ROBO2: variants seen among roughly 807,000 people sequenced by gnomAD.
ROBO2 encodes roundabout guidance receptor 2.
A neutral mutation model predicts 160.8 loss-of-function variants in ROBO2; 53 were observed. The observed-to-expected ratio is 0.33, with a 90% CI of 0.26 to 0.41. The LOEUF (loss-of-function observed/expected upper bound fraction) is 0.41, where lower values mean the gene tolerates loss of function less well. ROBO2 is among the 10% of genes least tolerant of loss of function. ROBO2 has a pLI of 1.00. For missense variants in ROBO2, 1,577 were observed against 1,722.4 expected, an observed-to-expected ratio of 0.92 and a Z score of 1.49; for synonymous variants, 664 against 611.7, an observed-to-expected ratio of 1.09 and a Z score of -1.26.
At chr3:76,591,031 C>T (rs1298353239) in intron 2 of ROBO2, among the ~76,000 whole-genome samples, 1 of 152,050 alleles carries the variant, frequency 6.6e-6, no homozygotes, top group Non-Finnish European at 1.5e-5. Context: ...GGGTTGCCTA[C>T]TCCCCACTCC....
intron 2 of ROBO2, among the ~76,000 whole-genome samples, chr3:75,966,935 G>A (rs1949136735): frequency 6.6e-6 from 1 of 151,508 alleles, no homozygotes; most frequent in Admixed American, 6.6e-5. Context: ...TTGACCTTCG[G>A]TCTCTACAGA....
chr3:77,291,844 G>A (rs2061315892), intron 2 of ROBO2, among the ~76,000 whole-genome samples: 1 of 151,808 alleles, frequency 6.6e-6, no homozygotes, highest in Non-Finnish European at 1.5e-5. Flanking sequence ...AAACGGGTAA[G>A]CTGAGGCTAG....
Position 75,925,314 on chromosome 3 carries a change from C to T in ROBO2, c.-13-12167C>T, listed in dbSNP as rs1006103203. ...AGGCTGCGGTGAAAGGATCTGAGCC[C>T]GGGAGGTGGAGGCTGCGGTGAACCG... On this transcript the variant is annotated intron_variant, in intron 1 of 26. Coordinates refer to the ROBO2 transcript ENST00000487694. Among the ~76,000 whole-genome samples, 73 of 152,048 alleles carry T rather than the reference C, an allele frequency of 4.8e-4. 1 individual carries two copies. Among genetic ancestry groups the T allele is most frequent in the African/African-American group, 1.5e-3 (64 of 41,482 alleles).
chr3:76,775,537 C>T (rs1425894491), intron 2 of ROBO2, among the ~76,000 whole-genome samples: 1 of 150,736 alleles, frequency 6.6e-6, no homozygotes, highest in Non-Finnish European at 1.5e-5. Flanking sequence ...ATCATGGAAA[C>T]TTGCTGTACT....
intron 2 of ROBO2, among the ~76,000 whole-genome samples, chr3:76,440,909 G>GTGGCATA (rs1242985287): frequency 3.3e-5 from 5 of 149,670 alleles, no homozygotes; most frequent in South Asian, 2.1e-4. Context: ...CATGTGGCAT[G>GTGGCATA]TGGCAATGTT....
At chr3:77,340,794 A>G (rs2066978873) in intron 2 of ROBO2, among the ~76,000 whole-genome samples, 1 of 152,138 alleles carries the variant, frequency 6.6e-6, no homozygotes, top group South Asian at 2.1e-4. Flanking sequence ...TTACCCAGGT[A>G]TAAGAAAGCA....
At chr3:77,486,669 T>C (rs796826032) in intron 4 of ROBO2, among the ~76,000 whole-genome samples, 7 of 152,330 alleles carry the variant, frequency 4.6e-5, no homozygotes, top group African/African-American at 1.7e-4. Flanking sequence ...TATTAGACCT[T>C]TGTCAGATGC....
Position 77,251,333 on chromosome 3 carries a change from AC to A in ROBO2, c.388+152994del, listed in dbSNP as rs1163515396. Among the ~76,000 whole-genome samples, 11 of 152,032 alleles carry A rather than the reference AC, an allele frequency of 7.2e-5. No homozygotes were observed. The East Asian group carries it at 2.1e-3, about 30-fold the overall frequency. Reference sequence around the variant, plus strand: ...CATGGGTCAAGCCACACACACCTGGACTCGCTTGAATTACAAGTGTGGTGGC... The same window carrying A: ...CATGGGTCAAGCCACACACACCTGGATCGCTTGAATTACAAGTGTGGTGGC... On this transcript the variant is annotated intron_variant, in intron 2 of 25. Coordinates refer to ENST00000461745, the Ensembl canonical transcript of ROBO2.
intron 2 of ROBO2, among the ~76,000 whole-genome samples, chr3:76,514,834 T>C (rs13066043): frequency 0.3 from 45,864 of 152,050 alleles, 8,570 homozygotes; most frequent in Non-Finnish European, 0.41. Flanking sequence ...AGATACATGA[T>C]TGCCTGAATG....
In ROBO2 at chr3:76,222,516, C is replaced by T. The variant is rs141780685; in HGVS notation, c.109+284914C>T. Among the ~76,000 whole-genome samples the T allele has an allele frequency of 2.4e-3, 339 of 139,768 alleles. 1 individual carries two copies. The highest frequency in any genetic ancestry group is 8.8e-3 in the African/African-American group (332 of 37,890). 91.7% of individuals were successfully genotyped at this position (139,768 alleles called of 152,430 possible). Reference sequence around the variant, plus strand: ...GATCTTATTGGGAAGCTGCTGATAACCAGTTTTAGGTATTTTCTATCCAGC... The same window carrying T: ...GATCTTATTGGGAAGCTGCTGATAATCAGTTTTAGGTATTTTCTATCCAGC... On this transcript the variant is annotated intron_variant, in intron 2 of 26. Coordinates refer to the ROBO2 transcript ENST00000487694.
At chr3:76,116,468 A>G (rs947324380) in intron 2 of ROBO2, among the ~76,000 whole-genome samples, 2 of 152,162 alleles carry the variant, frequency 1.3e-5, no homozygotes, top group African/African-American at 4.8e-5. Context: ...AGAGATACTA[A>G]TGCCCACATT....
chr3:77,606,883 C>T lies in ROBO2; in HGVS notation c.3137-915C>T, dbSNP rs115032670. On this transcript the variant is annotated intron_variant, in intron 20 of 25. Transcript: ENST00000461745. ...GAGCCACAGAAGTTATATAGTGTCC[C>T]CTGAAATGTCCTTTGTTATTCTGCT... is the stretch of plus-strand genomic sequence containing the variant. Among the ~76,000 whole-genome samples, 389 of 152,254 alleles carry T rather than the reference C, an allele frequency of 2.6e-3. 2 individuals carry two copies. The highest frequency in any genetic ancestry group is 9.1e-3 in the African/African-American group (379 of 41,544).
chr3:76,875,299 G>T (rs923764089), intron 2 of ROBO2, among the ~76,000 whole-genome samples: 1 of 152,122 alleles, frequency 6.6e-6, no homozygotes, highest in Admixed American at 6.5e-5. Context: ...TGAGAAATAC[G>T]TTTCTGTTCT....
intron 4 of ROBO2, among the ~76,000 whole-genome samples, chr3:77,484,204 G>C (rs570360069): frequency 1.3e-5 from 2 of 152,076 alleles, no homozygotes; most frequent in South Asian, 4.2e-4. Flanking sequence ...ACTGAAATCT[G>C]TGGCCCAATC....
chr3:77,001,955 C>G (rs898858340), intron 2 of ROBO2, among the ~76,000 whole-genome samples: 1 of 151,996 alleles, frequency 6.6e-6, no homozygotes, highest in African/African-American at 2.4e-5. Context: ...AAATAACTAG[C>G]CCAAATCAGG....
intron 2 of ROBO2, among the ~76,000 whole-genome samples, chr3:76,587,810 TA>T (rs1202542093): frequency 6.6e-6 from 1 of 152,220 alleles, no homozygotes; most frequent in African/African-American, 2.4e-5. Flanking sequence ...GTCTTTATTT[TA>T]CACTCTCTTT....
At chr3:77,009,619 G>T (rs1243223308) in intron 2 of ROBO2, among the ~76,000 whole-genome samples, 2 of 151,982 alleles carry the variant, frequency 1.3e-5, no homozygotes, top group African/African-American at 2.4e-5. Context: ...TTATAAGAAA[G>T]AATTTATTCC....
At chr3:77,520,585 T>C (rs1177401404) in intron 5 of ROBO2, among the ~76,000 whole-genome samples, 2 of 151,174 alleles carry the variant, frequency 1.3e-5, no homozygotes, top group Non-Finnish European at 3.0e-5. Context: ...TTTTAGACCA[T>C]TAACTTTATC....
At chr3:77,006,594 A>G (rs749681632) in intron 2 of ROBO2, among the ~76,000 whole-genome samples, 4 of 152,104 alleles carry the variant, frequency 2.6e-5, no homozygotes, top group Non-Finnish European at 5.9e-5. Flanking sequence ...AAAATAGTCT[A>G]TGGAATGATG....
Sources: gnomAD v4.1 joint callset for allele counts (sites outside exome capture counted in the v4.1 genomes callset) on GRCh38, gnomAD v4.1.1 for gene constraint, MANE v1.5 for transcripts, NCBI Gene and HGNC (gene_info 2026-07-23, HGNC 2026-07-21) for gene names.